The following SPATA13 variants were observed in gnomAD, a reference collection of about 807,000 sequenced individuals.
SPATA13 encodes the protein spermatogenesis-associated protein 13.
SPATA13 carries 50 observed loss-of-function variants against 104.0 expected under a neutral mutation model. That is an observed-to-expected ratio of 0.48 (90% CI 0.38 to 0.61). The LOEUF (loss-of-function observed/expected upper bound fraction) is 0.61. SPATA13 is among the 20% of genes least tolerant of loss of function. The pLI, the probability that SPATA13 is intolerant of heterozygous loss-of-function variation, is 0.00. For missense variants in SPATA13, 1,524 were observed against 1,690.6 expected (o/e 0.90, Z 1.73); for synonymous variants, 606 against 667.5 (o/e 0.91, Z 1.42).
chr13:24,254,931 C>G (rs2138669836), intron 4 of SPATA13, among the ~76,000 whole-genome samples: 1 of 152,222 alleles, frequency 6.6e-6, no homozygotes, highest in East Asian at 1.9e-4. Context: ...ATTGATTAGC[C>G]TCTCTTGCAA....
chr13:24,083,435 G>T (rs764695915), intron 3 of SPATA13, among the ~76,000 whole-genome samples: 2 of 152,108 alleles, frequency 1.3e-5, no homozygotes, highest in Non-Finnish European at 2.9e-5. Context: ...GCCTGACCTT[G>T]GCCACAGGTG....
chr13:23,980,246 A>G (rs996823260), intron 1 of SPATA13, among the ~76,000 whole-genome samples: 1 of 151,770 alleles, frequency 6.6e-6, no homozygotes, highest in African/African-American at 2.4e-5. Flanking sequence ...GTGAGCGCAT[A>G]GGGGCGCCGG....
intron 3 of SPATA13, among the ~76,000 whole-genome samples, chr13:24,121,051 A>G (rs556140264): frequency 9.2e-5 from 14 of 152,290 alleles, no homozygotes; most frequent in African/African-American, 3.1e-4. Context: ...AGTTCTTTTA[A>G]TAGATTGCAT....
Position 24,161,602 on chromosome 13 carries a change from G to T in SPATA13, c.-112+670G>T, listed in dbSNP as rs1183809036. On this transcript the variant is annotated intron_variant, in intron 1 of 12. Coordinates refer to ENST00000382108, the MANE Select transcript of SPATA13 (RefSeq NM_001166271.3). This position sits in a 1 kb window ranked among gnomAD's most constrained non-coding sequence, Gnocchi z 4.5. The stretch of plus-strand genomic sequence containing the variant: ...GGTAGAAGCCCGCGCTGCTGCCAGC[G>T]TCAGGGGGAGCTCGGGTGACTTGGG... Among the ~76,000 whole-genome samples, 1 of 152,064 alleles carries T rather than the reference G, an allele frequency of 6.6e-6. No individual in the cohort carries two copies. Among genetic ancestry groups the T allele is most frequent in the Non-Finnish European group, 1.5e-5 (1 of 68,016 alleles).
In SPATA13 at chr13:24,232,067, A is replaced by C. The variant is rs145612401; in HGVS notation, c.1653+7485A>C. 5.5e-3 allele frequency among the ~76,000 whole-genome samples: 839 copies of C among 152,364 alleles called. 5 individuals carry two copies. Among genetic ancestry groups the C allele is most frequent in the African/African-American group, 0.019 (789 of 41,588 alleles). ...CAGAGGACGAGAACCAATAGGATAC[A>C]TATGAAAATCGGCTGGTGTGATTAA... On this transcript the variant is annotated intron_variant, in intron 2 of 12. Transcript: ENST00000382108.
At chr13:24,014,400 A>G (rs1397327478) in intron 2 of SPATA13, among the ~76,000 whole-genome samples, 1 of 152,090 alleles carries the variant, frequency 6.6e-6, no homozygotes, top group African/African-American at 2.4e-5. Flanking sequence ...CCTGCATGTA[A>G]CCTTTGACTC....
At chr13:24,243,827 G>A (rs139792445) in intron 2 of SPATA13, among the ~76,000 whole-genome samples, 2,264 of 152,228 alleles carry the variant, frequency 0.015, 28 homozygotes, top group Middle Eastern at 0.027. Flanking sequence ...AAAACTGGGG[G>A]GTTAGCTTAT....
intron 1 of SPATA13, among the ~76,000 whole-genome samples, chr13:24,168,138 A>G (rs1399711523): frequency 2.0e-5 from 3 of 152,234 alleles, no homozygotes; most frequent in African/African-American, 7.2e-5. Flanking sequence ...ATCAAACTCC[A>G]TGCAGCAATT....
chr13:24,066,704 C>A (rs115344643), intron 3 of SPATA13, among the ~76,000 whole-genome samples: 1,657 of 152,188 alleles, frequency 0.011, 34 homozygotes, highest in African/African-American at 0.037. Context: ...CCTTCATTCC[C>A]CTCCTCACTC....
At chr13:24,151,212 T>G (rs1041990194) in intron 3 of SPATA13, among the ~76,000 whole-genome samples, 2 of 152,140 alleles carry the variant, frequency 1.3e-5, no homozygotes, top group Non-Finnish European at 2.9e-5. Context: ...ATCTGTGCTG[T>G]GATTGTGGGC....
chr13:24,130,458 G>C lies in SPATA13; in HGVS notation c.-111-92361G>C, dbSNP rs972763680. ...AGAGAGAAAATGGGAAGAGGTCAGA[G>C]ATAAAGGCAAAGCGTGGTTGATGAG... On this transcript the variant is annotated intron_variant, in intron 3 of 14. Transcript: ENST00000424834. Among the ~76,000 whole-genome samples the C allele has an allele frequency of 3.9e-5, 6 of 152,366 alleles. No homozygotes were observed. The South Asian group carries it at 6.2e-4, about 16-fold the overall frequency.
chr13:24,144,319 C>T (rs1370989886), intron 3 of SPATA13, among the ~76,000 whole-genome samples: 1 of 152,210 alleles, frequency 6.6e-6, no homozygotes, highest in Non-Finnish European at 1.5e-5. Flanking sequence ...TCATCTTCCC[C>T]TGCCCCACCT....
intron 1 of SPATA13, among the ~76,000 whole-genome samples, chr13:24,169,692 T>G (rs950700385): frequency 6.6e-6 from 1 of 152,150 alleles, no homozygotes; most frequent in Non-Finnish European, 1.5e-5. Context: ...CCTCTTCTAG[T>G]CTCTCTCCTC....
intron 3 of SPATA13, among the ~76,000 whole-genome samples, chr13:24,069,731 C>T (rs1176738568): frequency 1.3e-5 from 2 of 152,212 alleles, no homozygotes; most frequent in African/African-American, 2.4e-5. Flanking sequence ...AGCATTTATC[C>T]TGCCAACAAC....
At chr13:24,249,058 TG>T (rs1873325160) in intron 2 of SPATA13, among the ~76,000 whole-genome samples, 1 of 152,116 alleles carries the variant, frequency 6.6e-6, no homozygotes, top group Admixed American at 6.5e-5. Flanking sequence ...TTGGTAGAGA[TG>T]GGGTTTCTGC....
At position 24,236,927 on chromosome 13, in the gene SPATA13, G is replaced by A. The variant is rs1019827007; in HGVS notation, c.1653+12345G>A. Among the ~76,000 whole-genome samples the A allele has an allele frequency of 3.3e-5, 5 of 152,280 alleles. 1 individual carries two copies. Among genetic ancestry groups the A allele is most frequent in the Admixed American group, 3.3e-4 (5 of 15,292 alleles). On this transcript the variant is annotated intron_variant, in intron 2 of 12. Coordinates refer to ENST00000382108, the MANE Select transcript of SPATA13 (RefSeq NM_001166271.3). ...AAGAATTGAAAACAGGACTCAAACA[G>A]GTATTTAGACACCCATGTTCATAGC... is the stretch of plus-strand genomic sequence containing the variant.
chr13:24,006,485 A>C (rs754925476), intron 2 of SPATA13, among the ~76,000 whole-genome samples: 2 of 152,250 alleles, frequency 1.3e-5, no homozygotes, highest in Non-Finnish European at 2.9e-5. Flanking sequence ...TGTGCGAAAG[A>C]ACTGAAAAAG....
intron 3 of SPATA13, among the ~76,000 whole-genome samples, chr13:24,102,010 G>T (rs1880272021): frequency 6.6e-6 from 1 of 152,162 alleles, no homozygotes; most frequent in South Asian, 2.1e-4. Context: ...AAGTAGGATT[G>T]TTGGATCATA....
chr13:23,996,790 C>T (rs1875716667), intron 2 of SPATA13, among the ~76,000 whole-genome samples: 2 of 152,232 alleles, frequency 1.3e-5, no homozygotes, highest in African/African-American at 4.8e-5. Flanking sequence ...CGTTCCTTGG[C>T]TTGTGGCCCC....
Sources: gnomAD v4.1 joint callset for allele counts (sites outside exome capture counted in the v4.1 genomes callset) on GRCh38, gnomAD v4.1.1 for gene constraint, Gnocchi (gnomAD v3.1) non-coding constraint, MANE v1.5 for transcripts, NCBI Gene and HGNC (gene_info 2026-07-23, HGNC 2026-07-21) for gene names.